Variants in UTRN observed in about 807,000 individuals in gnomAD.
UTRN encodes the protein dystrophin-related protein 1.
UTRN carries 283 observed loss-of-function variants against 463.9 expected under a neutral mutation model. The ratio of observed to expected loss-of-function variants is 0.61; its 90% CI spans 0.55 to 0.67. The LOEUF is 0.67. UTRN is among the 30% of genes least tolerant of loss of function. The pLI, the probability that UTRN is intolerant of heterozygous loss-of-function variation, is 0.00. For missense variants in UTRN, 3,922 were observed against 4,084.3 expected (o/e 0.96, Z 1.08); for synonymous variants, 1,442 against 1,431.5 (o/e 1.01, Z -0.17).
chr6:144,615,255 A>G (rs982236514), intron 51 of UTRN, among the ~76,000 whole-genome samples: 1 of 152,182 alleles, frequency 6.6e-6, no homozygotes, highest in South Asian at 2.1e-4. Context: ...GCAGCTTCCT[A>G]GAAGTCATTT....
At chr6:144,587,226 G>C (rs756665983) in intron 51 of UTRN, among the ~76,000 whole-genome samples, 7 of 152,152 alleles carry the variant, frequency 4.6e-5, no homozygotes, top group Non-Finnish European at 5.9e-5. Context: ...CTTTCAGTGT[G>C]GTGCTGATCT....
chr6:144,470,555 G>A (rs1254161536), intron 23 of UTRN, among the ~76,000 whole-genome samples: 2 of 151,502 alleles, frequency 1.3e-5, no homozygotes, highest in Non-Finnish European at 2.9e-5. Flanking sequence ...GATGACGGCC[G>A]GGAAGAGGCG....
chr6:144,810,511 G>A (rs1778514692), intron 65 of UTRN, among the ~76,000 whole-genome samples: 1 of 152,172 alleles, frequency 6.6e-6, no homozygotes, highest in Admixed American at 6.6e-5. Flanking sequence ...AAGGTAGATA[G>A]ATAGGCTGTA....
At chr6:144,839,947 T>C (rs937476268) in intron 72 of UTRN, among the ~76,000 whole-genome samples, 1 of 152,110 alleles carries the variant, frequency 6.6e-6, no homozygotes, top group African/African-American at 2.4e-5. Flanking sequence ...AGAAAAAAAT[T>C]AAAATATTAG....
intron 2 of UTRN, among the ~76,000 whole-genome samples, chr6:144,357,216 A>G (rs1283906541): frequency 6.6e-6 from 1 of 152,126 alleles, no homozygotes; most frequent in Non-Finnish European, 1.5e-5. Context: ...CTTTTAGTTG[A>G]TAGTGGCTCA....
chr6:144,742,203 T>C (rs1790174386), intron 54 of UTRN, among the ~76,000 whole-genome samples: 1 of 152,248 alleles, frequency 6.6e-6, no homozygotes, highest in South Asian at 2.1e-4. Flanking sequence ...GAATCTGCTC[T>C]GAGTAGCCTC....
At chr6:144,418,997 T>A (rs1784600281) in intron 3 of UTRN, among the ~76,000 whole-genome samples, 1 of 152,104 alleles carries the variant, frequency 6.6e-6, no homozygotes, top group Non-Finnish European at 1.5e-5. Context: ...CATTTGTTTC[T>A]CCCATGCGCT....
At chr6:144,680,380 T>C (rs1782084665) in intron 52 of UTRN, among the ~76,000 whole-genome samples, 1 of 152,198 alleles carries the variant, frequency 6.6e-6, no homozygotes, top group African/African-American at 2.4e-5. Flanking sequence ...ACAGTTGGAA[T>C]ATTATGTAAT....
intron 24 of UTRN, 26 bp from the exon 25 acceptor site, chr6:144,474,578 T>TC (rs749616186): frequency 1.9e-6 from 3 of 1,598,504 alleles, no homozygotes; most frequent in Non-Finnish European, 1.7e-6. Context: ...AGTAATGAAC[T>TC]CAACATGCAT....
chr6:144,692,883 AGC>A (rs952143059), intron 52 of UTRN, among the ~76,000 whole-genome samples: 1 of 151,958 alleles, frequency 6.6e-6, no homozygotes, highest in Non-Finnish European at 1.5e-5. Context: ...GAAGCTCTTT[AGC>A]TTAATTAGAT....
At chr6:144,819,432 C>A (rs1445822480) in intron 65 of UTRN, among the ~76,000 whole-genome samples, 1 of 151,994 alleles carries the variant, frequency 6.6e-6, no homozygotes, top group Non-Finnish European at 1.5e-5. Flanking sequence ...CAGTGGCTCA[C>A]ACCTGTAATC....
At chr6:144,550,577 G>A (rs7738842) in intron 47 of UTRN, among the ~76,000 whole-genome samples, 4 of 152,010 alleles carry the variant, frequency 2.6e-5, no homozygotes, top group African/African-American at 9.7e-5. Flanking sequence ...ACCTGACACA[G>A]AACAGATATG....
In UTRN at chr6:144,733,355, A is replaced by G. The variant is rs944591990; in HGVS notation, c.7939+2869A>G. Reference sequence around the variant, plus strand: ...AACACGGTGAAACCCCGTCTCTACTAAAATACAAAAAATTAGCCAGGTGTG... The same window carrying G: ...AACACGGTGAAACCCCGTCTCTACTGAAATACAAAAAATTAGCCAGGTGTG... On this transcript the variant is annotated intron_variant, in intron 54 of 74. Transcript: ENST00000367545. 9.2e-5 allele frequency among the ~76,000 whole-genome samples: 14 copies of G among 152,126 alleles called. No homozygotes were observed. In the South Asian group the frequency reaches 2.5e-3, roughly 27 times the overall value.
intron 50 of UTRN, among the ~76,000 whole-genome samples, chr6:144,573,487 A>G (rs1207623202): frequency 6.6e-6 from 1 of 152,078 alleles, no homozygotes; most frequent in Non-Finnish European, 1.5e-5. Context: ...TGAGGTCAAG[A>G]GTTTGAGACC....
At chr6:144,477,570 CCTT>C in intron 25 of UTRN, among the ~76,000 whole-genome samples, 1 of 150,664 alleles carries the variant, frequency 6.6e-6, no homozygotes. Flanking sequence ...ACGCACACAC[CCTT>C]TTTTTTTGGT....
intron 2 of UTRN, among the ~76,000 whole-genome samples, chr6:144,320,924 A>G (rs1775596701): frequency 6.6e-6 from 1 of 152,126 alleles, no homozygotes; most frequent in Non-Finnish European, 1.5e-5. Flanking sequence ...TTTCCCTGCT[A>G]ATGGGGATGG....
intron 73 of UTRN, among the ~76,000 whole-genome samples, chr6:144,843,107 G>C (rs899106518): frequency 6.6e-6 from 1 of 152,002 alleles, no homozygotes; most frequent in African/African-American, 2.4e-5. Context: ...ATTCTTAAAG[G>C]AAATTACTTT....
chr6:144,722,186 C>T (rs1168734544), intron 53 of UTRN, among the ~76,000 whole-genome samples: 2 of 152,198 alleles, frequency 1.3e-5, no homozygotes, highest in Non-Finnish European at 2.9e-5. Flanking sequence ...TCATTCTTCA[C>T]TCACTCAGCT....
At chr6:144,562,100 A>C (rs559249560) in intron 50 of UTRN, among the ~76,000 whole-genome samples, 1 of 152,172 alleles carries the variant, frequency 6.6e-6, no homozygotes, top group African/African-American at 2.4e-5. Flanking sequence ...CAGTTGCTGA[A>C]TTTACCTTGC....
Sources: allele counts gnomAD v4.1 joint callset (sites outside exome capture counted in the v4.1 genomes callset), GRCh38; gene constraint gnomAD v4.1.1; transcripts MANE v1.5; gene names NCBI Gene and HGNC (gene_info 2026-07-23, HGNC 2026-07-21).